The following POLB variants were observed in gnomAD, a reference collection of about 807,000 sequenced individuals.
POLB encodes the protein 5'-dRP lyase.
POLB carries 37 observed loss-of-function variants against 52.7 expected under a neutral mutation model. The ratio of observed to expected loss-of-function variants is 0.70; its 90% CI spans 0.54 to 0.92. The LOEUF (loss-of-function observed/expected upper bound fraction) is 0.92. Among genes scored for constraint, POLB ranks in the 40% least tolerant of loss-of-function variants. The pLI is 0.00. For synonymous variants in POLB, 138 were observed against 131.3 expected, an observed-to-expected ratio of 1.05 and a Z score of -0.35; for missense variants, 313 against 400.8, an observed-to-expected ratio of 0.78 and a Z score of 1.87.
At chr8:42,355,329 C>T (rs1231665631) in intron 6 of POLB, 187 bp from the exon 7 acceptor site, 5 of 475,840 alleles carry the variant, frequency 1.1e-5, no homozygotes, top group East Asian at 6.9e-5. Context: ...TGAGCCACCA[C>T]GCCTGGCCCT....
At chr8:42,370,994 C>A (rs1824351957) in intron 13 of POLB, among the ~76,000 whole-genome samples, 2 of 152,158 alleles carry the variant, frequency 1.3e-5, no homozygotes, top group African/African-American at 4.8e-5. Context: ...ATAGTGGCTC[C>A]AGCAGAAAGG....
At chr8:42,354,113 G>A (rs1823151496) in intron 6 of POLB, among the ~76,000 whole-genome samples, 1 of 152,170 alleles carries the variant, frequency 6.6e-6, no homozygotes, top group African/African-American at 2.4e-5. Flanking sequence ...TCTCTTGGGA[G>A]TGTCAAGGAT....
chr8:42,357,044 T>C, intron 7 of POLB, 125 bp from the exon 8 acceptor site: 1 of 621,394 alleles, frequency 1.6e-6, no homozygotes, highest in South Asian at 2.1e-5. Context: ...GTGAATTCAT[T>C]CTAGCCTTGA....
chr8:42,348,295 C>T (rs774881566), intron 3 of POLB, among the ~76,000 whole-genome samples: 42 of 152,198 alleles, frequency 2.8e-4, no homozygotes, highest in Non-Finnish European at 5.0e-4. Flanking sequence ...TCTCCCAAAA[C>T]TTAGATTCTA....
chr8:42,346,263 C>T (rs960532204), intron 3 of POLB, among the ~76,000 whole-genome samples: 2 of 152,068 alleles, frequency 1.3e-5, no homozygotes, highest in African/African-American at 4.8e-5. Flanking sequence ...TAGTTATCAC[C>T]TCCTTTTGTT....
At chr8:42,365,473 C>A (rs1284239945) in intron 11 of POLB, among the ~76,000 whole-genome samples, 8 of 152,166 alleles carry the variant, frequency 5.3e-5, no homozygotes, top group Non-Finnish European at 7.3e-5. Flanking sequence ...ATGAATCTTA[C>A]ATTTAAGAAT....
chr8:42,344,273 G>A (rs1012215617), intron 2 of POLB, among the ~76,000 whole-genome samples: 13 of 151,310 alleles, frequency 8.6e-5, no homozygotes, highest in African/African-American at 2.4e-4. Flanking sequence ...TTTGAGACCA[G>A]CCTGGCCAAC....
At chr8:42,359,705 A>ATG (rs984108239) in intron 9 of POLB, among the ~76,000 whole-genome samples, 6 of 151,012 alleles carry the variant, frequency 4.0e-5, no homozygotes, top group African/African-American at 1.5e-4. Flanking sequence ...AGTTGCATGC[A>ATG]TGTATCATAC....
At chr8:42,341,016 T>TA (rs1461025052) in intron 2 of POLB, among the ~76,000 whole-genome samples, 2 of 152,178 alleles carry the variant, frequency 1.3e-5, no homozygotes, top group African/African-American at 4.8e-5. Flanking sequence ...ATGAAGGGTA[T>TA]AACGTTTTCT....
At chr8:42,340,577 G>C (rs1362052667) in intron 2 of POLB, among the ~76,000 whole-genome samples, 1 of 152,156 alleles carries the variant, frequency 6.6e-6, no homozygotes, top group Non-Finnish European at 1.5e-5. Flanking sequence ...CTGTGGTTCC[G>C]GGGAGTCTGC....
chr8:42,339,965 T>C (rs942005130), intron 2 of POLB: 2 of 152,228 alleles, frequency 1.3e-5, no homozygotes, highest in Non-Finnish European at 2.9e-5. Context: ...CCCTCTTTTC[T>C]CACTTTATGG....
intron 11 of POLB, among the ~76,000 whole-genome samples, chr8:42,363,137 AAG>A (rs1014880074): frequency 6.6e-6 from 1 of 151,988 alleles, no homozygotes; most frequent in African/African-American, 2.4e-5. Flanking sequence ...AAAAAAAAGA[AAG>A]AAAAATAATC....
intron 10 of POLB, among the ~76,000 whole-genome samples, chr8:42,361,918 A>G (rs934003932): frequency 6.6e-6 from 1 of 152,210 alleles, no homozygotes. Flanking sequence ...GTTTCATTTG[A>G]TAAGATGAAT....
At chr8:42,358,463 C>T (rs914386309) in intron 9 of POLB, among the ~76,000 whole-genome samples, 1 of 151,934 alleles carries the variant, frequency 6.6e-6, no homozygotes, top group African/African-American at 2.4e-5. Context: ...GATCAAGCCG[C>T]TGCACTCCAG....
intron 13 of POLB, among the ~76,000 whole-genome samples, chr8:42,371,305 T>C (rs1824374649): frequency 6.6e-6 from 1 of 152,136 alleles, no homozygotes; most frequent in Non-Finnish European, 1.5e-5. Flanking sequence ...GTATTTTTAG[T>C]AGAGATGGGG....
chr8:42,350,037 A>G lies in POLB; in HGVS notation c.292A>G (p.Asn98Asp). Reference sequence around the variant, plus strand: ...GCAGGATGATACGAGTTCATCCATCAATTTCCTGACTCGAGTTAGTGGCAT... The same window carrying G: ...GCAGGATGATACGAGTTCATCCATCGATTTCCTGACTCGAGTTAGTGGCAT... The part of the protein sequence containing the change: ...IRQDDTSSSI[N>D]FLTRVSGIGP... The change falls in exon 5 of 14, where the codon AAT (asparagine) becomes GAT (aspartate). Residue 98 changes from asparagine (N) to aspartate (D), a missense_variant. Asn to Asp is a conservative substitution (Grantham distance 23). This residue lies in a region of POLB where 246 missense variants were observed against 297.6 expected (regional missense o/e 0.83). Transcript: ENST00000265421. 6.2e-7 allele frequency: 1 copy of G among 1,609,108 alleles called. No homozygotes were observed. Among genetic ancestry groups the G allele is most frequent in the Admixed American group, 1.7e-5 (1 of 60,008 alleles).
chr8:42,356,642 ACTTT>A (rs1823334937), intron 7 of POLB, among the ~76,000 whole-genome samples: 1 of 150,500 alleles, frequency 6.6e-6, no homozygotes, highest in Non-Finnish European at 1.5e-5. Context: ...CTGCTCATCT[ACTTT>A]CTGTCTCTAC....
chr8:42,369,329 A>C lies in POLB; in HGVS notation c.767A>C (p.Asp256Ala). 1 of 1,566,350 alleles carries C rather than the reference A, an allele frequency of 6.4e-7. No homozygotes were observed. Among genetic ancestry groups the C allele is most frequent in the Non-Finnish European group, 8.8e-7 (1 of 1,138,278 alleles). ...AAAGAATATCCACACAGAAGAATTG[A>C]TATCAGGTATTGTTCAGACTTTGTT... ...DEKEYPHRRI[D>A]IRLIPKDQYY... The change falls in exon 12 of 14, where the codon GAT becomes GCT. Residue 256 changes from aspartate (D) to alanine (A), a missense_variant. Physicochemically the swap from Asp to Ala is moderately radical, Grantham distance 126. Around this residue, in one of 3 missense-constraint regions of POLB, gnomAD observed 246 missense variants for 297.6 expected, o/e 0.83. Transcript: ENST00000265421.
At chr8:42,355,629 T>A in intron 7 of POLB, 62 bp downstream of exon 7, 1 of 959,818 alleles carries the variant, frequency 1.0e-6, no homozygotes, top group South Asian at 1.3e-5. Flanking sequence ...ATAGACATTC[T>A]TTTATACACC....
Sources: allele counts gnomAD v4.1 joint callset (sites outside exome capture counted in the v4.1 genomes callset), GRCh38; gene constraint gnomAD v4.1.1; regional missense constraint gnomAD v4.1.1; transcripts MANE v1.5; gene names NCBI Gene and HGNC (gene_info 2026-07-23, HGNC 2026-07-21).